BCAS3: variants seen among roughly 807,000 people sequenced by gnomAD.
The protein encoded by BCAS3 is BCAS3 microtubule associated cell migration factor.
BCAS3 carries 53 observed loss-of-function variants against 116.1 expected under a neutral mutation model. The ratio of observed to expected loss-of-function variants is 0.46; its 90% CI spans 0.37 to 0.57. BCAS3 has a LOEUF of 0.57. Among genes scored for constraint, BCAS3 ranks in the 20% least tolerant of loss-of-function variants. BCAS3 has a pLI of 0.00. For synonymous variants in BCAS3, 391 were observed against 408.2 expected (o/e 0.96, Z 0.51); for missense variants, 917 against 1,165.4 (o/e 0.79, Z 3.10).
intron 19 of BCAS3, among the ~76,000 whole-genome samples, chr17:61,045,933 AAT>A (rs1332679070): frequency 4.1e-4 from 7 of 16,906 alleles, no homozygotes; most frequent in East Asian, 2.8e-3. Context: ...AATATATATA[AAT>A]ATATATATTA....
chr17:61,164,320 T>TA (rs1209623815), intron 22 of BCAS3, among the ~76,000 whole-genome samples: 1 of 152,180 alleles, frequency 6.6e-6, no homozygotes, highest in Non-Finnish European at 1.5e-5. Flanking sequence ...GTTGGAAATG[T>TA]AATCTCCAAT....
chr17:61,305,924 T>C (rs2053818562), intron 22 of BCAS3, among the ~76,000 whole-genome samples: 1 of 152,172 alleles, frequency 6.6e-6, no homozygotes, highest in Admixed American at 6.5e-5. Context: ...CTGCATTTGT[T>C]GTTGTTTCCC....
chr17:60,894,547 G>C (rs2057386376), intron 10 of BCAS3, among the ~76,000 whole-genome samples: 1 of 152,062 alleles, frequency 6.6e-6, no homozygotes, highest in African/African-American at 2.4e-5. Context: ...TTCCAATTTG[G>C]ATGCCTTTTC....
At chr17:60,724,053 GA>G (rs2039548342) in intron 5 of BCAS3, among the ~76,000 whole-genome samples, 1 of 150,916 alleles carries the variant, frequency 6.6e-6, no homozygotes, top group Non-Finnish European at 1.5e-5. Context: ...TTCTTTTGAT[GA>G]AAAAAATCTG....
At chr17:61,353,271 G>A (rs2143360126) in intron 22 of BCAS3, among the ~76,000 whole-genome samples, 1 of 152,282 alleles carries the variant, frequency 6.6e-6, no homozygotes, top group South Asian at 2.1e-4. Flanking sequence ...AATGCTTTTG[G>A]GGACAGGCCA....
At chr17:60,801,824 T>C (rs2047812646) in intron 6 of BCAS3, among the ~76,000 whole-genome samples, 1 of 152,166 alleles carries the variant, frequency 6.6e-6, no homozygotes, top group Non-Finnish European at 1.5e-5. Context: ...GGGGAAACTT[T>C]TTGAATTATT....
chr17:61,259,850 T>C lies in BCAS3; in HGVS notation c.2426-108477T>C, dbSNP rs2049051749. ...AGGTCACTTTTTGCCATAAGGCATG[T>C]CACTCTGTGGCATCTTACTGAATAG... On this transcript the variant is annotated intron_variant, in intron 22 of 23. Coordinates refer to ENST00000407086, the MANE Select transcript of BCAS3 (RefSeq NM_017679.5). The surrounding 1 kb of genome is among the most constrained non-coding windows in gnomAD (Gnocchi z 4.7). Among the ~76,000 whole-genome samples, 1 of 152,252 alleles carries C rather than the reference T, an allele frequency of 6.6e-6. No homozygotes were observed. Among genetic ancestry groups the C allele is most frequent in the Non-Finnish European group, 1.5e-5 (1 of 68,050 alleles).
rs1228165136 is a variant in BCAS3, at chr17:61,259,360, G to A, written c.2426-108967G>A. On this transcript the variant is annotated intron_variant, in intron 22 of 23. Transcript: ENST00000407086. This position sits in a 1 kb window ranked among gnomAD's most constrained non-coding sequence, Gnocchi z 4.7. ...ATAGTGACCCAGGGTTATGGTCAGG[G>A]TTCCAGTATGGTTTGTGCTTTTGTT... Among the ~76,000 whole-genome samples, 2 of 152,148 alleles carry A rather than the reference G, an allele frequency of 1.3e-5. No individual in the cohort carries two copies. The highest frequency in any genetic ancestry group is 6.5e-5 in the Admixed American group (1 of 15,282).
At chr17:61,371,274 A>C (rs929258383) in intron 23 of BCAS3, among the ~76,000 whole-genome samples, 1 of 152,150 alleles carries the variant, frequency 6.6e-6, no homozygotes, top group Non-Finnish European at 1.5e-5. Flanking sequence ...ATTATGGCCA[A>C]TTTCAACCTG....
intron 7 of BCAS3, among the ~76,000 whole-genome samples, chr17:60,815,884 C>T (rs1250704770): frequency 6.6e-6 from 1 of 152,138 alleles, no homozygotes; most frequent in South Asian, 2.1e-4. Context: ...AGCGCAGTGC[C>T]CTATATCTAG....
chr17:61,045,239 T>C (rs1240019373), intron 19 of BCAS3, among the ~76,000 whole-genome samples: 4 of 152,090 alleles, frequency 2.6e-5, no homozygotes, highest in Admixed American at 6.5e-5. Flanking sequence ...CTGGGCATGG[T>C]GGCTCATGCC....
At chr17:60,778,041 A>C (rs926935621) in intron 6 of BCAS3, among the ~76,000 whole-genome samples, 4 of 152,008 alleles carry the variant, frequency 2.6e-5, no homozygotes, top group African/African-American at 7.2e-5. Flanking sequence ...TTTGCTAATT[A>C]CTGTTGAGTT....
chr17:61,208,000 A>G (rs1242755413), intron 22 of BCAS3, among the ~76,000 whole-genome samples: 1 of 152,188 alleles, frequency 6.6e-6, no homozygotes, highest in Non-Finnish European at 1.5e-5. Context: ...GAAAATTACT[A>G]TTAGTCTTTT....
At position 60,915,217 on chromosome 17, in the gene BCAS3, A is replaced by G. The variant is rs757227762; in HGVS notation, c.993+4515A>G. On this transcript the variant is annotated intron_variant, in intron 12 of 23. Transcript: ENST00000407086. ...GAATGATGATGTATTTTGTAGCTAT[A>G]GTATAGTACCAAAACAAGAAAATTT... Among the ~76,000 whole-genome samples, 103 of 152,188 alleles carry G rather than the reference A, an allele frequency of 6.8e-4. 1 individual carries two copies. Among genetic ancestry groups the G allele is most frequent in the Admixed American group, 2.4e-3 (37 of 15,264 alleles).
In BCAS3 at chr17:61,188,874, G is replaced by A. The variant is rs746802961; in HGVS notation, c.2425+104310G>A. On this transcript the variant is annotated intron_variant, in intron 22 of 23. Coordinates refer to ENST00000407086, the MANE Select transcript of BCAS3 (RefSeq NM_017679.5). The surrounding 1 kb of genome is among the most constrained non-coding windows in gnomAD (Gnocchi z 4.0). ...GCCTATAATCCCAGCACGTTGGGAGGCTGAGGTGGGAGGAGCCTGGGAGGT... is the reference window on the plus strand; with the variant it reads ...GCCTATAATCCCAGCACGTTGGGAGACTGAGGTGGGAGGAGCCTGGGAGGT... 1.3e-5 allele frequency among the ~76,000 whole-genome samples: 2 copies of A among 152,206 alleles called. No homozygotes were observed. Among genetic ancestry groups the A allele is most frequent in the African/African-American group, 2.4e-5 (1 of 41,450 alleles).
At chr17:60,934,170 A>G (rs2059803601) in intron 13 of BCAS3, among the ~76,000 whole-genome samples, 1 of 152,160 alleles carries the variant, frequency 6.6e-6, no homozygotes. Flanking sequence ...AACTTTAAGT[A>G]TTTTTTCCTG....
rs1233087972 is a variant in BCAS3 at position 61,041,691 on chromosome 17, A to G, written c.2029+799A>G. 1.3e-5 allele frequency among the ~76,000 whole-genome samples: 2 copies of G among 152,086 alleles called. No homozygotes were observed. The highest frequency in any genetic ancestry group is 2.9e-5 in the Non-Finnish European group (2 of 67,988). ...GGTATATTAGAAAGCATGAATTAAA[A>G]TAGTTGTCGAATGATTTTATTTTAT... On this transcript the variant is annotated intron_variant, in intron 19 of 23. Coordinates refer to ENST00000407086, the MANE Select transcript of BCAS3 (RefSeq NM_017679.5). This position sits in a 1 kb window ranked among gnomAD's most constrained non-coding sequence, Gnocchi z 4.7.
At chr17:60,812,202 T>C (rs1359337211) in intron 7 of BCAS3, among the ~76,000 whole-genome samples, 1 of 152,204 alleles carries the variant, frequency 6.6e-6, no homozygotes. Flanking sequence ...GTAGCTACTG[T>C]TGGGGAGGAA....
In BCAS3 at chr17:61,118,379, C is replaced by T. The variant is rs958561561; in HGVS notation, c.2425+33815C>T. Among the ~76,000 whole-genome samples the T allele has an allele frequency of 6.6e-6, 1 of 152,190 alleles. No individual in the cohort carries two copies. The highest frequency in any genetic ancestry group is 2.4e-5 in the African/African-American group (1 of 41,456). On this transcript the variant is annotated intron_variant, in intron 22 of 23. Transcript: ENST00000407086. This position sits in a 1 kb window ranked among gnomAD's most constrained non-coding sequence, Gnocchi z 5.0. Reference sequence around the variant, plus strand: ...CCCCTAGACCTCTTTCATAAGCACCCCAGTGGAGAGAAGGAGTGGTGCCTC... The same window carrying T: ...CCCCTAGACCTCTTTCATAAGCACCTCAGTGGAGAGAAGGAGTGGTGCCTC...
Sources: allele counts gnomAD v4.1 joint callset (sites outside exome capture counted in the v4.1 genomes callset), GRCh38; gene constraint gnomAD v4.1.1; non-coding constraint Gnocchi (gnomAD v3.1); transcripts MANE v1.5; gene names NCBI Gene and HGNC (gene_info 2026-07-23, HGNC 2026-07-21).